Variants in TNKS2 observed in about 807,000 individuals in gnomAD.
TNKS2 encodes the protein poly [ADP-ribose] polymerase tankyrase-2.
TNKS2 carries 72 observed loss-of-function variants against 137.6 expected under a neutral mutation model. That is an observed-to-expected ratio of 0.52 (90% CI 0.43 to 0.64). TNKS2 has a LOEUF of 0.64. TNKS2 is among the 30% of genes least tolerant of loss of function. The probability of loss-of-function intolerance (pLI) is 0.00; values close to 1 mark genes in which losing one functional copy is unlikely to be tolerated. For synonymous variants in TNKS2, 516 were observed against 512.1 expected, an observed-to-expected ratio of 1.01 and a Z score of -0.10; for missense variants, 1,049 against 1,410.2, an observed-to-expected ratio of 0.74 and a Z score of 4.10.
intron 1 of TNKS2, among the ~76,000 whole-genome samples, chr10:91,811,975 G>A (rs867256071): frequency 6.6e-6 from 1 of 151,864 alleles, no homozygotes; most frequent in African/African-American, 2.4e-5. Flanking sequence ...CAGGAGAATG[G>A]CATGAACCCG....
chr10:91,819,360 CTTT>C (rs74263177), intron 4 of TNKS2, 54 bp downstream of exon 4: 4,027 of 1,152,166 alleles, frequency 3.5e-3, no homozygotes, highest in South Asian at 7.9e-3. Context: ...TTAACTTTTT[CTTT>C]TTTTTTTTTT....
At chr10:91,831,308 C>A in intron 11 of TNKS2, 127 bp downstream of exon 11, 1 of 873,196 alleles carries the variant, frequency 1.1e-6, no homozygotes, top group Non-Finnish European at 1.8e-6. Context: ...ATAATCTATG[C>A]TTAAGAATTG....
At chr10:91,842,506 G>A in intron 16 of TNKS2, 115 bp downstream of exon 16, 1 of 903,412 alleles carries the variant, frequency 1.1e-6, no homozygotes, top group African/African-American at 1.7e-5. Context: ...AAGCATGGTG[G>A]CTCACACTTG....
At chr10:91,859,887 G>T (rs964700164) in intron 25 of TNKS2, among the ~76,000 whole-genome samples, 1 of 152,150 alleles carries the variant, frequency 6.6e-6, no homozygotes, top group African/African-American at 2.4e-5. Context: ...AATATCTGGT[G>T]CCTTAAAGCA....
chr10:91,798,951 A>G (rs1200066422), intron 1 of TNKS2, 62 bp downstream of exon 1: 9 of 1,302,790 alleles, frequency 6.9e-6, no homozygotes, highest in Non-Finnish European at 8.8e-6. Flanking sequence ...CGGGGCCCAC[A>G]GGTCTGAAAC....
rs1374135274 is a variant in TNKS2, at chr10:91,817,075, A to G, written c.425-59A>G. On this transcript the variant is annotated intron_variant, in intron 2 of 26. Coordinates refer to ENST00000371627, the MANE Select transcript of TNKS2 (RefSeq NM_025235.4). ...ACCAGACTTCTTGAGAAAATGATTTACTAAAATCAAGTTGTTAAGATTACC... is the reference window on the plus strand; with the variant it reads ...ACCAGACTTCTTGAGAAAATGATTTGCTAAAATCAAGTTGTTAAGATTACC... The G allele has an allele frequency of 2.5e-6, 3 of 1,205,356 alleles. No individual in the cohort carries two copies. The South Asian group carries it at 3.9e-5, about 16-fold the overall frequency. 74.7% of individuals were successfully genotyped at this position (1,205,356 alleles called of 1,614,324 possible).
chr10:91,832,574 C>T (rs183311198), intron 11 of TNKS2, among the ~76,000 whole-genome samples: 8 of 151,982 alleles, frequency 5.3e-5, no homozygotes, highest in Non-Finnish European at 8.8e-5. Flanking sequence ...TTTTCAGGCC[C>T]TGTAAGCATG....
intron 1 of TNKS2, among the ~76,000 whole-genome samples, chr10:91,801,698 T>A (rs544432883): frequency 7.2e-5 from 11 of 152,248 alleles, no homozygotes; most frequent in African/African-American, 2.6e-4. Flanking sequence ...GGTCTCAAAC[T>A]CCTGATCTCG....
At chr10:91,852,792 A>G (rs1842587992) in intron 21 of TNKS2, among the ~76,000 whole-genome samples, 1 of 152,230 alleles carries the variant, frequency 6.6e-6, no homozygotes, top group Non-Finnish European at 1.5e-5. Context: ...GAGCACCTCT[A>G]AAAATGTAGA....
Position 91,840,802 on chromosome 10 carries a change from G to A in TNKS2, c.1673+96G>A. The A allele has an allele frequency of 7.0e-6, 9 of 1,282,816 alleles. No individual in the cohort carries two copies. In the South Asian group the frequency reaches 1.4e-4, roughly 20 times the overall value. 79.5% of individuals were successfully genotyped at this position (1,282,816 alleles called of 1,614,324 possible). A position where few individuals can be genotyped will look rare whatever the true frequency, so the allele number is the denominator to read the frequency against. ...ATAATATGTTTTATTTTTCAAGAAAGCCTGTTTCCTAACATTGGCCTAAAT... is the reference window on the plus strand; with the variant it reads ...ATAATATGTTTTATTTTTCAAGAAAACCTGTTTCCTAACATTGGCCTAAAT... On this transcript the variant is annotated intron_variant, in intron 14 of 26. Transcript: ENST00000371627.
intron 12 of TNKS2, among the ~76,000 whole-genome samples, chr10:91,835,648 A>G (rs1451806290): frequency 1.6e-5 from 2 of 124,120 alleles, no homozygotes; most frequent in East Asian, 4.9e-4. Context: ...TATTTTTGAG[A>G]TGGAGTTTCA....
At chr10:91,826,123 A>G (rs1037658982) in intron 7 of TNKS2, among the ~76,000 whole-genome samples, 11 of 152,236 alleles carry the variant, frequency 7.2e-5, no homozygotes, top group Non-Finnish European at 1.6e-4. Flanking sequence ...GATGGAACCC[A>G]AGTCTGCACA....
chr10:91,865,392 T>C lies in TNKS2; in HGVS notation c.*2393T>C, dbSNP rs1842947699. 6.6e-6 allele frequency: 1 copy of C among 152,592 alleles called. No homozygotes were observed. Among genetic ancestry groups the C allele is most frequent in the Admixed American group, 6.5e-5 (1 of 15,276 alleles). The allele number at this position is 152,592 out of a possible 1,614,324, so 9.5% of individuals were successfully genotyped here. A position where few individuals can be genotyped will look rare whatever the true frequency, so the allele number is the denominator to read the frequency against. ...CAGGAAAACAATGTAGTTCTGAGTC[T>C]AATAGTGATAAAGAATGCAGTTTGA... On this transcript the variant is annotated 3_prime_UTR_variant, in exon 27 of 27. Transcript: ENST00000371627.
intron 6 of TNKS2, among the ~76,000 whole-genome samples, chr10:91,821,390 T>G (rs1844888344): frequency 6.6e-6 from 1 of 151,876 alleles, no homozygotes; most frequent in African/African-American, 2.4e-5. Context: ...TAGTAGGTAG[T>G]TAGGAACAAA....
At chr10:91,803,662 G>T (rs1844243667) in intron 1 of TNKS2, among the ~76,000 whole-genome samples, 1 of 152,156 alleles carries the variant, frequency 6.6e-6, no homozygotes, top group Non-Finnish European at 1.5e-5. Context: ...AGTTTAAAAT[G>T]ACATTCCTCA....
At chr10:91,847,245 T>C (rs1286770157) in intron 18 of TNKS2, among the ~76,000 whole-genome samples, 1 of 152,236 alleles carries the variant, frequency 6.6e-6, no homozygotes, top group African/African-American at 2.4e-5. Context: ...ACTAATTTAT[T>C]CCTTGCTGAA....
Position 91,849,544 on chromosome 10 carries a change from G to A in TNKS2, c.2644G>A (p.Val882Ile), listed in dbSNP as rs144839601. The A allele has an allele frequency of 1.2e-4, 196 of 1,611,338 alleles. No individual in the cohort carries two copies. Among genetic ancestry groups the A allele is most frequent in the Non-Finnish European group, 1.4e-4 (167 of 1,179,112 alleles). The change falls in exon 20 of 27, where the codon GTA becomes ATA. Residue 882 changes from valine to isoleucine, a missense_variant. By Grantham distance (29) the Val-to-Ile change is conservative. Transcript: ENST00000371627. ...PGVDFSITQF[V>I]RNLGLEHLMD... ...AGTAGATTTTAGCATAACTCAATTC[G>A]TAAGGAATCTTGGACTTGAGCACCT...
At position 91,842,335 on chromosome 10, in the gene TNKS2, A is replaced by G. The variant is rs1842232708; in HGVS notation, c.2003A>G (p.Asp668Gly). 1.9e-6 allele frequency: 3 copies of G among 1,614,190 alleles called. No homozygotes were observed. The highest frequency in any genetic ancestry group is 1.7e-6 in the Non-Finnish European group (2 of 1,180,006). Residue 668 changes from aspartate to glycine, a missense_variant, in exon 16 of 27, where the codon GAT becomes GGT. By Grantham distance (94) the Asp-to-Gly change is moderately conservative. This residue lies in a region of TNKS2 where 328 missense variants were observed against 436.0 expected (regional missense o/e 0.75). Coordinates refer to ENST00000371627, the MANE Select transcript of TNKS2 (RefSeq NM_025235.4). Reference sequence around the variant, plus strand: ...AGAGTGAAGAAGTTGTCTTCTCCTGATAATGTAAATTGCCGCGATACCCAA... The same window carrying G: ...AGAGTGAAGAAGTTGTCTTCTCCTGGTAATGTAAATTGCCGCGATACCCAA... ...LARVKKLSSP[D>G]NVNCRDTQGR...
At position 91,822,161 on chromosome 10, in the gene TNKS2, G is replaced by T. The variant is rs1342751521; in HGVS notation, c.729-135G>T. 1.4e-5 allele frequency: 9 copies of T among 659,422 alleles called. No homozygotes were observed. In the South Asian group the frequency reaches 2.5e-4, roughly 18 times the overall value. The allele number at this position is 659,422 out of a possible 1,614,324, so 40.8% of individuals were successfully genotyped here. A position where few individuals can be genotyped will look rare whatever the true frequency, so the allele number is the denominator to read the frequency against. ...GTTCAAATGGATGTTACTAAATTTT[G>T]AACATTTTTATTAGAACATCACATA... On this transcript the variant is annotated intron_variant, in intron 6 of 26. Coordinates refer to ENST00000371627, the MANE Select transcript of TNKS2 (RefSeq NM_025235.4).
Sources: allele counts gnomAD v4.1 joint callset (sites outside exome capture counted in the v4.1 genomes callset), GRCh38; gene constraint gnomAD v4.1.1; regional missense constraint gnomAD v4.1.1; transcripts MANE v1.5; gene names NCBI Gene and HGNC (gene_info 2026-07-23, HGNC 2026-07-21).